Variants in NRG1 observed in about 807,000 individuals in gnomAD.
NRG1 encodes neuregulin 1.
NRG1 carries 18 observed loss-of-function variants against 63.8 expected under a neutral mutation model. The observed-to-expected ratio is 0.28, with a 90% CI of 0.19 to 0.42. The LOEUF (loss-of-function observed/expected upper bound fraction) is 0.42, where lower values mean the gene tolerates loss of function less well. Among genes scored for constraint, NRG1 ranks in the 10% least tolerant of loss-of-function variants. The pLI is 1.00. For missense variants in NRG1, 762 were observed against 814.7 expected (o/e 0.94, Z 0.79); for synonymous variants, 302 against 301.3 (o/e 1.00, Z -0.02).
Position 32,094,288 on chromosome 8 carries a change from AAAG to A in NRG1, c.37+454867_37+454869del, listed in dbSNP as rs553920920. 7.7e-4 allele frequency among the ~76,000 whole-genome samples: 117 copies of A among 152,286 alleles called. 1 individual carries two copies. The highest frequency in any genetic ancestry group is 3.4e-3 in the Middle Eastern group (1 of 294). On this transcript the variant is annotated intron_variant, in intron 1 of 10. Coordinates refer to the NRG1 transcript ENST00000519301. Reference sequence around the variant, plus strand: ...ATAATACCCTGCCAACAGCAAGGTCAAAGAAGAAGAAGTAAGCGACTTGGCTAG... The same window carrying A: ...ATAATACCCTGCCAACAGCAAGGTCAAAGAAGAAGTAAGCGACTTGGCTAG...
intron 1 of NRG1, among the ~76,000 whole-genome samples, chr8:32,290,559 C>G (rs1290290033): frequency 6.6e-6 from 1 of 152,062 alleles, no homozygotes; most frequent in East Asian, 1.9e-4. Flanking sequence ...TGAATGAGAA[C>G]TGGGTTCTAA....
At chr8:32,733,320 A>G (rs1267937425) in intron 6 of NRG1, among the ~76,000 whole-genome samples, 2 of 152,180 alleles carry the variant, frequency 1.3e-5, no homozygotes, top group African/African-American at 4.8e-5. Flanking sequence ...TGTATAATGA[A>G]TGTTTATGAA....
intron 5 of NRG1, chr8:32,648,000 C>A (rs768970256): frequency 6.1e-5 from 98 of 1,614,048 alleles, no homozygotes; most frequent in Non-Finnish European, 8.1e-5. Flanking sequence ...CATCGCCGGC[C>A]TCAAGTGGGT....
rs1377400245 is a variant in NRG1 at position 31,721,049 on chromosome 8, G to A, written c.37+81618G>A. 2.0e-5 allele frequency among the ~76,000 whole-genome samples: 3 copies of A among 152,158 alleles called. No individual in the cohort carries two copies. In the East Asian group the frequency reaches 5.8e-4, roughly 29 times the overall value. ...TATGACTAGAAATTGCAACCAGACA[G>A]CAATCTGTGAAGCAAGTGATAGGAG... On this transcript the variant is annotated intron_variant, in intron 1 of 10. Transcript: ENST00000519301.
chr8:32,117,219 C>T (rs913194950), intron 1 of NRG1, among the ~76,000 whole-genome samples: 7 of 151,938 alleles, frequency 4.6e-5, no homozygotes, highest in African/African-American at 7.3e-5. Flanking sequence ...ATCACCCAAC[C>T]GTAGTATTTA....
At chr8:31,790,356 G>A (rs896664169) in intron 1 of NRG1, among the ~76,000 whole-genome samples, 2 of 152,148 alleles carry the variant, frequency 1.3e-5, no homozygotes, top group African/African-American at 2.4e-5. Context: ...GATAGAGGAA[G>A]GGTACTGGCT....
chr8:32,006,849 GC>G (rs1158160272), intron 1 of NRG1, among the ~76,000 whole-genome samples: 2 of 152,048 alleles, frequency 1.3e-5, no homozygotes, highest in Non-Finnish European at 2.9e-5. Flanking sequence ...ACCAAACCTA[GC>G]TAAGCTGGCC....
rs1476371465 is a variant in NRG1 at position 31,640,512 on chromosome 8, G to A, written c.37+1081G>A. ...GGGCGGTGAAAGCCGGGGGCTTGAA[G>A]AAGGACTCGCTGCTCACCGTGCGCC... On this transcript the variant is annotated intron_variant, in intron 1 of 10. Coordinates refer to the NRG1 transcript ENST00000519301. The surrounding 1 kb of genome is among the most constrained non-coding windows in gnomAD (Gnocchi z 6.3). The A allele has an allele frequency of 1.9e-6, 3 of 1,611,102 alleles. No homozygotes were observed. The highest frequency in any genetic ancestry group is 2.7e-5 in the African/African-American group (2 of 74,874).
chr8:32,504,095 G>C (rs1247023142), intron 1 of NRG1, among the ~76,000 whole-genome samples: 1 of 152,266 alleles, frequency 6.6e-6, no homozygotes, highest in Non-Finnish European at 1.5e-5. Context: ...TTGCCTTTTA[G>C]TGCCATGCTT....
intron 3 of NRG1, 69 bp downstream of exon 3, chr8:32,605,752 CATAAT>C: frequency 6.6e-7 from 1 of 1,523,432 alleles, no homozygotes; most frequent in Non-Finnish European, 9.0e-7. Flanking sequence ...TGGTAAGACT[CATAAT>C]AGACTGGTGT....
At chr8:31,861,736 CT>C (rs371540299) in intron 1 of NRG1, among the ~76,000 whole-genome samples, 2 of 152,150 alleles carry the variant, frequency 1.3e-5, no homozygotes, top group East Asian at 3.9e-4. Flanking sequence ...TAGGCAAAGG[CT>C]TTTTTCCAAA....
At chr8:32,381,864 T>A (rs1810399493) in intron 1 of NRG1, among the ~76,000 whole-genome samples, 1 of 152,222 alleles carries the variant, frequency 6.6e-6, no homozygotes, top group Non-Finnish European at 1.5e-5. Flanking sequence ...AAAGTTAGTA[T>A]AAGCAGTTAA....
intron 1 of NRG1, among the ~76,000 whole-genome samples, chr8:32,384,888 C>T (rs1810787783): frequency 6.6e-6 from 1 of 152,194 alleles, no homozygotes; most frequent in Non-Finnish European, 1.5e-5. Context: ...CAGTAGATAA[C>T]AATAGCAATT....
intron 1 of NRG1, among the ~76,000 whole-genome samples, chr8:32,485,009 G>T (rs926471591): frequency 1.3e-5 from 2 of 152,122 alleles, no homozygotes; most frequent in Non-Finnish European, 2.9e-5. Context: ...AAGGGTTTCA[G>T]AAATACTAAA....
chr8:31,835,813 A>G (rs1310220448), intron 1 of NRG1, among the ~76,000 whole-genome samples: 1 of 152,172 alleles, frequency 6.6e-6, no homozygotes, highest in Non-Finnish European at 1.5e-5. Flanking sequence ...CAGTTTATAG[A>G]GTCTGCTAGA....
At chr8:31,787,236 A>G (rs916543981) in intron 1 of NRG1, among the ~76,000 whole-genome samples, 5 of 152,252 alleles carry the variant, frequency 3.3e-5, no homozygotes, top group African/African-American at 4.8e-5. Flanking sequence ...TTGCATTTGC[A>G]TCTTTAAAAT....
At position 31,661,191 on chromosome 8, in the gene NRG1, G is replaced by A. The variant is rs370662946; in HGVS notation, c.37+21760G>A. On this transcript the variant is annotated intron_variant, in intron 1 of 10. Coordinates refer to the NRG1 transcript ENST00000519301. Reference sequence around the variant, plus strand: ...AATAAACTCATAGAGCTGTTGATTTGAGAAAACCTTCTATAATGCCATATT... The same window carrying A: ...AATAAACTCATAGAGCTGTTGATTTAAGAAAACCTTCTATAATGCCATATT... Among the ~76,000 whole-genome samples, 299 of 152,238 alleles carry A rather than the reference G, an allele frequency of 2.0e-3. 11 individuals carry two copies. The South Asian group carries it at 0.055, about 28-fold the overall frequency.
chr8:32,304,423 C>G (rs1855964747), intron 1 of NRG1, among the ~76,000 whole-genome samples: 1 of 152,064 alleles, frequency 6.6e-6, no homozygotes, highest in East Asian at 1.9e-4. Flanking sequence ...TTGAAATATT[C>G]AGTTTGTGGG....
intron 1 of NRG1, among the ~76,000 whole-genome samples, chr8:32,217,594 T>G (rs1156554061): frequency 6.6e-6 from 1 of 152,152 alleles, no homozygotes; most frequent in Non-Finnish European, 1.5e-5. Context: ...AACAAATAAA[T>G]AAAAAAGCTT....
Sources: gnomAD v4.1 joint callset for allele counts (sites outside exome capture counted in the v4.1 genomes callset) on GRCh38, gnomAD v4.1.1 for gene constraint, Gnocchi (gnomAD v3.1) non-coding constraint, MANE v1.5 for transcripts, NCBI Gene and HGNC (gene_info 2026-07-23, HGNC 2026-07-21) for gene names.